ADGB: variants seen among roughly 807,000 people sequenced by gnomAD.
ADGB encodes androglobin.
A neutral mutation model predicts 210.5 loss-of-function variants in ADGB; 172 were observed. The observed-to-expected ratio is 0.82, with a 90% confidence interval of 0.72 to 0.93. ADGB has a LOEUF of 0.93. ADGB is among the 40% of genes least tolerant of loss of function. The pLI is 0.00. For missense variants in ADGB, 2,025 were observed against 1,964.8 expected (o/e 1.03, Z -0.58); for synonymous variants, 658 against 662.7 (o/e 0.99, Z 0.11).
intron 13 of ADGB, among the ~76,000 whole-genome samples, chr6:146,711,358 T>TG (rs1776653724): frequency 6.6e-6 from 1 of 152,010 alleles, no homozygotes; most frequent in South Asian, 2.1e-4. Flanking sequence ...AAATGCCTGT[T>TG]GTTTTTTTTT....
chr6:146,758,677 C>T (rs996631065), intron 27 of ADGB, among the ~76,000 whole-genome samples: 2 of 151,838 alleles, frequency 1.3e-5, no homozygotes, highest in Admixed American at 6.6e-5. Flanking sequence ...TCTATTTTAC[C>T]ATTAGTATTT....
intron 13 of ADGB, among the ~76,000 whole-genome samples, chr6:146,703,370 A>AT (rs1219382301): frequency 2.0e-5 from 3 of 151,768 alleles, no homozygotes; most frequent in Non-Finnish European, 4.4e-5. Context: ...CGTTCCTTTC[A>AT]TTTTTTGTTG....
chr6:146,664,479 A>G (rs1465827601), intron 6 of ADGB, 139 bp downstream of exon 6: 2 of 849,422 alleles, frequency 2.4e-6, no homozygotes, highest in African/African-American at 3.5e-5. Flanking sequence ...GCTCTAGTAT[A>G]AAATCAAATA....
chr6:146,741,010 G>C, intron 24 of ADGB, 108 bp from the exon 25 acceptor site: 4 of 815,266 alleles, frequency 4.9e-6, no homozygotes, highest in Non-Finnish European at 7.1e-6. Flanking sequence ...GTGCCTTTTA[G>C]TTATTTGGAA....
intron 11 of ADGB, among the ~76,000 whole-genome samples, 159 bp downstream of exon 11, chr6:146,691,449 T>TATATAA (rs1562275583): frequency 3.0e-4 from 17 of 55,936 alleles, no homozygotes; most frequent in African/African-American, 1.5e-3. Context: ...TATAAAAATA[T>TATATAA]ATATATATAA....
In ADGB at chr6:146,717,566, A is replaced by C. The variant is rs1436099460; in HGVS notation, c.1959A>C (p.Ser653=). ...QNIYIFHKPS[S]YCLNFQKSEF... is the part of the protein sequence containing the mutation. ...TATATATTTTCCACAAGCCAAGTTC[A>C]TATTGCCTTAACTTTCAAAAATCAG... is the stretch of plus-strand genomic sequence containing the variant. Residue 653 remains serine (S), a synonymous_variant, in exon 16 of 36, where the codon TCA becomes TCC. Transcript: ENST00000397944. 2.1e-6 allele frequency: 3 copies of C among 1,411,024 alleles called. No individual in the cohort carries two copies. The highest frequency in any genetic ancestry group is 2.7e-5 in the South Asian group (2 of 74,660). 87.4% of individuals were successfully genotyped at this position (1,411,024 alleles called of 1,614,324 possible).
At chr6:146,599,345 G>A (rs1780518690) in intron 1 of ADGB, among the ~76,000 whole-genome samples, 1 of 152,150 alleles carries the variant, frequency 6.6e-6, no homozygotes, top group South Asian at 2.1e-4. Context: ...TGCTTTGGGT[G>A]TTCAGCTCCC....
chr6:146,723,179 A>G (rs371081670), intron 17 of ADGB, among the ~76,000 whole-genome samples: 1 of 152,148 alleles, frequency 6.6e-6, no homozygotes, highest in African/African-American at 2.4e-5. Context: ...GCATCTACCA[A>G]ACCAAAAGCC....
At chr6:146,614,933 C>T (rs1157373658) in intron 1 of ADGB, among the ~76,000 whole-genome samples, 5 of 152,148 alleles carry the variant, frequency 3.3e-5, no homozygotes, top group Non-Finnish European at 5.9e-5. Flanking sequence ...CAGAGTCTCG[C>T]TCTGTCGCCC....
At chr6:146,708,268 T>C (rs1055346121) in intron 13 of ADGB, among the ~76,000 whole-genome samples, 11 of 152,128 alleles carry the variant, frequency 7.2e-5, no homozygotes, top group Non-Finnish European at 1.5e-5. Flanking sequence ...ACCATTACAG[T>C]ATTAGAGTAT....
chr6:146,700,735 T>C (rs1261218512), intron 12 of ADGB, among the ~76,000 whole-genome samples: 2 of 152,148 alleles, frequency 1.3e-5, no homozygotes, highest in African/African-American at 4.8e-5. Context: ...ATCAATTTGT[T>C]GACTAATATA....
intron 33 of ADGB, among the ~76,000 whole-genome samples, chr6:146,791,524 A>G (rs1041919890): frequency 6.6e-6 from 1 of 151,838 alleles, no homozygotes; most frequent in Non-Finnish European, 1.5e-5. Flanking sequence ...TTTATTTTTT[A>G]TAGAGATGAG....
intron 28 of ADGB, among the ~76,000 whole-genome samples, chr6:146,766,816 G>A (rs961053578): frequency 6.6e-6 from 1 of 152,066 alleles, no homozygotes; most frequent in African/African-American, 2.4e-5. Flanking sequence ...TATAAACATA[G>A]GTGATAAATT....
At chr6:146,746,873 T>G (rs1337715553) in intron 26 of ADGB, among the ~76,000 whole-genome samples, 1 of 152,168 alleles carries the variant, frequency 6.6e-6, no homozygotes, top group Non-Finnish European at 1.5e-5. Context: ...GCCCAGAAAT[T>G]TTATTTTGCT....
intron 8 of ADGB, among the ~76,000 whole-genome samples, chr6:146,674,556 T>G (rs1414449522): frequency 6.6e-6 from 1 of 152,112 alleles, no homozygotes; most frequent in African/African-American, 2.4e-5. Flanking sequence ...TAAACGGGTT[T>G]GGTAGGAGAA....
At chr6:146,705,672 T>C (rs1056792914) in intron 13 of ADGB, among the ~76,000 whole-genome samples, 1 of 152,150 alleles carries the variant, frequency 6.6e-6, no homozygotes, top group Admixed American at 6.6e-5. Flanking sequence ...TGTTGAATTA[T>C]GTTTACTAGT....
chr6:146,730,781 A>G (rs1158530643), intron 20 of ADGB, among the ~76,000 whole-genome samples: 2 of 152,116 alleles, frequency 1.3e-5, no homozygotes, highest in African/African-American at 4.8e-5. Context: ...TCTACTAAAG[A>G]TAGAAAAATT....
chr6:146,707,198 G>T (rs1023789056), intron 13 of ADGB, among the ~76,000 whole-genome samples: 1 of 152,074 alleles, frequency 6.6e-6, no homozygotes, highest in Non-Finnish European at 1.5e-5. Context: ...GGTTATAAAA[G>T]GTAGTTATAT....
intron 33 of ADGB, among the ~76,000 whole-genome samples, chr6:146,791,104 A>C (rs1322354025): frequency 6.6e-6 from 1 of 152,140 alleles, no homozygotes; most frequent in African/African-American, 2.4e-5. Context: ...CTCTTATCCA[A>C]TGTATGGTTT....
Sources: allele counts gnomAD v4.1 joint callset (sites outside exome capture counted in the v4.1 genomes callset), GRCh38; gene constraint gnomAD v4.1.1; transcripts MANE v1.5; gene names NCBI Gene and HGNC (gene_info 2026-07-23, HGNC 2026-07-21).